The following FILIP1 variants were observed in gnomAD, a reference collection of about 807,000 sequenced individuals.
FILIP1 encodes filamin-A-interacting protein 1.
FILIP1 carries 61 observed loss-of-function variants against 102.1 expected under a neutral mutation model. That is an observed-to-expected ratio of 0.60 (90% CI 0.49 to 0.74). The LOEUF (loss-of-function observed/expected upper bound fraction) is 0.74, where lower values mean the gene tolerates loss of function less well. FILIP1 is among the 30% of genes least tolerant of loss of function. FILIP1 has a pLI of 0.00. For synonymous variants in FILIP1, 491 were observed against 526.9 expected (o/e 0.93, Z 0.93); for missense variants, 1,314 against 1,441.2 (o/e 0.91, Z 1.43).
Position 75,374,572 on chromosome 6 carries a change from T to C in FILIP1, c.277-11655A>G, listed in dbSNP as rs143554702. Among the ~76,000 whole-genome samples the C allele has an allele frequency of 1.9e-3, 295 of 152,204 alleles. 1 individual carries two copies. The highest frequency in any genetic ancestry group is 6.7e-3 in the African/African-American group (279 of 41,534). The stretch of plus-strand genomic sequence containing the variant: ...TTTTGTATTTTTAGTAGAGACAGGG[T>C]TTCACCATTGATGGCCAGGCTGGTC... On this transcript the variant is annotated intron_variant, in intron 2 of 5. Transcript: ENST00000237172.
chr6:75,362,578 C>T (rs952354509), intron 3 of FILIP1, among the ~76,000 whole-genome samples, 166 bp downstream of exon 3: 2 of 152,184 alleles, frequency 1.3e-5, no homozygotes, highest in Non-Finnish European at 2.9e-5. Context: ...AACATTGAAG[C>T]TTATCCACTA....
At chr6:75,418,176 C>T (rs1480156894) in intron 1 of FILIP1, among the ~76,000 whole-genome samples, 4 of 152,066 alleles carry the variant, frequency 2.6e-5, no homozygotes, top group Admixed American at 6.6e-5. Flanking sequence ...CCAGCCTGGG[C>T]GACAGAGCAA....
intron 4 of FILIP1, among the ~76,000 whole-genome samples, chr6:75,324,524 C>CT (rs1378944924): frequency 6.6e-6 from 1 of 152,094 alleles, no homozygotes; most frequent in African/African-American, 2.4e-5. Context: ...CAAAGGCACT[C>CT]TACAGATTCA....
chr6:75,403,433 T>C (rs1374841219), intron 2 of FILIP1, among the ~76,000 whole-genome samples: 3 of 148,036 alleles, frequency 2.0e-5, no homozygotes, highest in African/African-American at 5.0e-5. Context: ...GAGGATCCCT[T>C]GAGTTCAGGA....
intron 4 of FILIP1, among the ~76,000 whole-genome samples, chr6:75,349,332 A>C (rs1045563990): frequency 6.6e-6 from 1 of 152,046 alleles, no homozygotes; most frequent in Admixed American, 6.6e-5. Context: ...GTGCCCGGAG[A>C]GTCCCTGCTC....
At chr6:75,360,017 A>G (rs904750550) in intron 3 of FILIP1, among the ~76,000 whole-genome samples, 5 of 152,200 alleles carry the variant, frequency 3.3e-5, no homozygotes, top group African/African-American at 1.2e-4. Flanking sequence ...TTTGAACGCC[A>G]CTCACTGAGG....
At chr6:75,428,897 T>G (rs919416395) in intron 1 of FILIP1, among the ~76,000 whole-genome samples, 29 of 150,008 alleles carry the variant, frequency 1.9e-4, no homozygotes, top group African/African-American at 6.6e-4. Context: ...GTCAGAATAT[T>G]TGGCACCACT....
intron 1 of FILIP1, among the ~76,000 whole-genome samples, chr6:75,469,742 C>G (rs904970565): frequency 1.3e-5 from 2 of 151,996 alleles, no homozygotes; most frequent in African/African-American, 4.8e-5. Context: ...CCCAGGAATA[C>G]AAAATATAGC....
chr6:75,370,422 G>A (rs1040638962), intron 2 of FILIP1, among the ~76,000 whole-genome samples: 1 of 152,152 alleles, frequency 6.6e-6, no homozygotes, highest in Non-Finnish European at 1.5e-5. Flanking sequence ...ATTAAGTGAT[G>A]TGAAAGTCAG....
intron 2 of FILIP1, chr6:75,386,476 A>G (rs900669466): frequency 1.3e-5 from 2 of 152,170 alleles, no homozygotes; most frequent in African/African-American, 4.8e-5. Flanking sequence ...TAATCCTGAG[A>G]GCTAGCTTAG....
At chr6:75,295,872 G>A (rs1048604829) in exon 7 of FILIP1, 1 of 1,350,962 alleles carries the variant, frequency 7.4e-7, no homozygotes, top group Non-Finnish European at 9.5e-7. Context: ...GGGATTCAGA[G>A]GTCGTACACA....
intron 3 of FILIP1, among the ~76,000 whole-genome samples, chr6:75,354,017 T>C (rs1305908534): frequency 6.6e-6 from 1 of 152,206 alleles, no homozygotes; most frequent in African/African-American, 2.4e-5. Flanking sequence ...CATTCTACTG[T>C]TGATGACCAT....
At chr6:75,453,728 A>G (rs79676667) in intron 1 of FILIP1, among the ~76,000 whole-genome samples, 283 of 152,268 alleles carry the variant, frequency 1.9e-3, no homozygotes, top group African/African-American at 6.4e-3. Flanking sequence ...AGGTGGATCA[A>G]TTGAGCCCAG....
chr6:75,397,028 G>C (rs1310021394), intron 2 of FILIP1, among the ~76,000 whole-genome samples: 2 of 116,962 alleles, frequency 1.7e-5, no homozygotes, highest in African/African-American at 6.4e-5. Flanking sequence ...GGTGGGGGGA[G>C]GGGGGAGGGA....
intron 2 of FILIP1, among the ~76,000 whole-genome samples, chr6:75,392,777 C>T (rs1339671354): frequency 6.6e-6 from 1 of 152,118 alleles, no homozygotes; most frequent in African/African-American, 2.4e-5. Flanking sequence ...GCAGGTCTTT[C>T]CCATGCTGTT....
At chr6:75,406,978 T>G (rs747235834) in intron 2 of FILIP1, among the ~76,000 whole-genome samples, 15 of 152,030 alleles carry the variant, frequency 9.9e-5, no homozygotes, top group Non-Finnish European at 1.5e-5. Context: ...TTCTTAAATA[T>G]TGTAAGATCA....
chr6:75,324,688 T>C (rs1473099667), intron 4 of FILIP1, among the ~76,000 whole-genome samples: 1 of 152,188 alleles, frequency 6.6e-6, no homozygotes, highest in East Asian at 1.9e-4. Context: ...TTTCAAACTA[T>C]GCTAGAAGGC....
chr6:75,429,445 G>A (rs1317711563), intron 1 of FILIP1, among the ~76,000 whole-genome samples: 1 of 152,226 alleles, frequency 6.6e-6, no homozygotes. Flanking sequence ...GAGAAGGAAT[G>A]TTGTGCATAG....
intron 4 of FILIP1, among the ~76,000 whole-genome samples, chr6:75,333,179 T>C (rs1774135716): frequency 6.6e-6 from 1 of 152,176 alleles, no homozygotes; most frequent in South Asian, 2.1e-4. Context: ...CAATGGCAGT[T>C]GGGTTTATTG....
Sources: allele counts gnomAD v4.1 joint callset (sites outside exome capture counted in the v4.1 genomes callset), GRCh38; gene constraint gnomAD v4.1.1; transcripts MANE v1.5; gene names NCBI Gene and HGNC (gene_info 2026-07-23, HGNC 2026-07-21).